PLEKHA6: variants seen among roughly 807,000 people sequenced by gnomAD.
PLEKHA6 encodes pleckstrin homology domain-containing family A member 6.
Under a neutral mutation model 116.7 loss-of-function variants are expected in PLEKHA6, and 60 were observed. That is an observed-to-expected ratio of 0.51 (90% CI 0.42 to 0.64). PLEKHA6 has a LOEUF of 0.64. PLEKHA6 is among the 30% of genes least tolerant of loss of function. The pLI is 0.00. For synonymous variants in PLEKHA6, 489 were observed against 556.1 expected, an observed-to-expected ratio of 0.88 and a Z score of 1.70; for missense variants, 1,338 against 1,422.7, an observed-to-expected ratio of 0.94 and a Z score of 0.96.
chr1:204,365,479 A>G (rs979989513), intron 3 of PLEKHA6, among the ~76,000 whole-genome samples: 4 of 152,178 alleles, frequency 2.6e-5, no homozygotes, highest in African/African-American at 9.7e-5. Context: ...GGGAGGCATG[A>G]GAGCGGGAAA....
chr1:204,319,838 G>A (rs1473150170), intron 1 of PLEKHA6, among the ~76,000 whole-genome samples: 2 of 152,290 alleles, frequency 1.3e-5, no homozygotes, highest in East Asian at 3.9e-4. Flanking sequence ...AAAGAGAGAA[G>A]GGAGAAAGGG....
chr1:204,282,615 C>T (rs985126080), intron 1 of PLEKHA6: 22 of 980,222 alleles, frequency 2.2e-5, no homozygotes, highest in Middle Eastern at 5.2e-4. Flanking sequence ...ATATCATTCC[C>T]GGGTACAGCC....
chr1:204,369,360 C>T (rs1432816040), intron 2 of PLEKHA6: 2 of 152,132 alleles, frequency 1.3e-5, no homozygotes, highest in East Asian at 3.8e-4. Flanking sequence ...TGTGCTGTCT[C>T]CAAAGCCCAC....
chr1:204,227,567 A>G (rs1444180205), intron 21 of PLEKHA6, among the ~76,000 whole-genome samples: 1 of 152,168 alleles, frequency 6.6e-6, no homozygotes, highest in African/African-American at 2.4e-5. Flanking sequence ...CTTAGCAGAA[A>G]AGTGAGTTGG....
chr1:204,336,015 G>C (rs991579379), intron 1 of PLEKHA6, among the ~76,000 whole-genome samples: 66 of 152,134 alleles, frequency 4.3e-4, no homozygotes, highest in African/African-American at 1.4e-3. Flanking sequence ...GTCAAGAAGG[G>C]CTTTGTAAGG....
chr1:204,369,893 G>A (rs569510283), intron 2 of PLEKHA6, among the ~76,000 whole-genome samples: 2 of 152,310 alleles, frequency 1.3e-5, no homozygotes, highest in South Asian at 4.1e-4. Context: ...AGGCCTCGCT[G>A]CAAGTTGGAA....
intron 17 of PLEKHA6, among the ~76,000 whole-genome samples, chr1:204,240,124 A>C (rs1485253499): frequency 6.6e-6 from 1 of 152,250 alleles, no homozygotes; most frequent in Non-Finnish European, 1.5e-5. Context: ...AGATGAAATC[A>C]GTCTACCACT....
rs531938937 is a variant in PLEKHA6, at chr1:204,271,691, G to A, written c.102+1935C>T. Among the ~76,000 whole-genome samples the A allele has an allele frequency of 2.0e-3, 309 of 152,116 alleles. 1 individual carries two copies. The highest frequency in any genetic ancestry group is 6.3e-3 in the African/African-American group (262 of 41,498). On this transcript the variant is annotated intron_variant, in intron 3 of 22. Transcript: ENST00000272203. ...TCCTATCTTTCTGCCACAGCTTCTC[G>A]GCAAACTGAGGCTAATCCAGCTACC...
chr1:204,372,913 CTTTT>C (rs58973900), intron 1 of PLEKHA6, among the ~76,000 whole-genome samples: 2 of 132,582 alleles, frequency 1.5e-5, no homozygotes, highest in Non-Finnish European at 1.6e-5. Flanking sequence ...CCCTGAAAAA[CTTTT>C]TTTTTTTTTT....
In PLEKHA6 at chr1:204,245,606, G is replaced by A. The variant is rs759439288; in HGVS notation, c.2032+9C>T. ...GGCAGCCTAGGAGGCTGGCACAGGAGGCACCCACCTCTGTGCTTGGCGGTG... is the reference window on the plus strand; with the variant it reads ...GGCAGCCTAGGAGGCTGGCACAGGAAGCACCCACCTCTGTGCTTGGCGGTG... On this transcript the variant is annotated intron_variant, in intron 14 of 22. Transcript: ENST00000272203. 2.8e-5 allele frequency: 44 copies of A among 1,563,414 alleles called. No homozygotes were observed. Among genetic ancestry groups the A allele is most frequent in the Non-Finnish European group, 3.7e-5 (42 of 1,134,790 alleles).
chr1:204,285,661 G>C (rs907873396), intron 1 of PLEKHA6, among the ~76,000 whole-genome samples: 1 of 152,140 alleles, frequency 6.6e-6, no homozygotes, highest in Non-Finnish European at 1.5e-5. Context: ...ATTTTTAGTA[G>C]AGACACGGTC....
At chr1:204,306,711 G>T (rs1671344348) in intron 1 of PLEKHA6, among the ~76,000 whole-genome samples, 1 of 152,204 alleles carries the variant, frequency 6.6e-6, no homozygotes, top group African/African-American at 2.4e-5. Flanking sequence ...ACTCCAAAAT[G>T]GGGGATAAAC....
chr1:204,334,410 C>T (rs1318618448), intron 1 of PLEKHA6, among the ~76,000 whole-genome samples: 2 of 152,192 alleles, frequency 1.3e-5, no homozygotes, highest in Admixed American at 1.3e-4. Context: ...CATAAGATCA[C>T]CACGGAGGAT....
chr1:204,369,765 C>T (rs901357453), intron 2 of PLEKHA6: 2 of 152,208 alleles, frequency 1.3e-5, no homozygotes, highest in Non-Finnish European at 2.9e-5. Flanking sequence ...TATTCATCTT[C>T]CACTCCTACC....
At chr1:204,232,728 G>A (rs371527932) in intron 17 of PLEKHA6, among the ~76,000 whole-genome samples, 4 of 152,158 alleles carry the variant, frequency 2.6e-5, no homozygotes, top group East Asian at 3.8e-4. Context: ...ATGACTCAGA[G>A]CAAAGCTGTG....
At chr1:204,303,120 T>C (rs955083501) in intron 1 of PLEKHA6, among the ~76,000 whole-genome samples, 1 of 152,208 alleles carries the variant, frequency 6.6e-6, no homozygotes, top group Non-Finnish European at 1.5e-5. Context: ...GCATCACCGT[T>C]CTTAAGGGCT....
chr1:204,360,067 G>GCTAA (rs1043945156), upstream of PLEKHA6, among the ~76,000 whole-genome samples: 93 of 152,376 alleles, frequency 6.1e-4, no homozygotes, highest in African/African-American at 2.1e-3. Context: ...GCGACAAGCT[G>GCTAA]CTAACCATCC....
chr1:204,228,048 C>A lies in PLEKHA6; in HGVS notation c.3031+35G>T. ...CCCTTAAACCTGGTCAGCTGGTTTC[C>A]CTGGCAGGGTGGAGCGAGGCCCAGC... On this transcript the variant is annotated intron_variant, in intron 21 of 22. Transcript: ENST00000272203. This position sits in a 1 kb window ranked among gnomAD's most constrained non-coding sequence, Gnocchi z 4.0. The A allele has an allele frequency of 6.2e-7, 1 of 1,604,130 alleles. No homozygotes were observed.
At chr1:204,291,462 A>T (rs1445648461) in intron 1 of PLEKHA6, among the ~76,000 whole-genome samples, 2 of 152,206 alleles carry the variant, frequency 1.3e-5, no homozygotes, top group Admixed American at 6.5e-5. Flanking sequence ...TGTCCACACA[A>T]CGACTTGTAG....
Sources: allele counts gnomAD v4.1 joint callset (sites outside exome capture counted in the v4.1 genomes callset), GRCh38; gene constraint gnomAD v4.1.1; non-coding constraint Gnocchi (gnomAD v3.1); transcripts MANE v1.5; gene names NCBI Gene and HGNC (gene_info 2026-07-23, HGNC 2026-07-21).